ASTN2: variants seen among roughly 807,000 people sequenced by gnomAD.
ASTN2 encodes astrotactin 2.
Under a neutral mutation model 139.8 loss-of-function variants are expected in ASTN2, and 54 were observed. The observed-to-expected ratio is 0.39, with a 90% CI of 0.31 to 0.48. The LOEUF (loss-of-function observed/expected upper bound fraction) is 0.48, where lower values mean the gene tolerates loss of function less well. ASTN2 is among the 20% of genes least tolerant of loss of function. ASTN2 has a pLI of 0.95. For synonymous variants in ASTN2, 756 were observed against 719.5 expected (o/e 1.05, Z -0.81); for missense variants, 1,565 against 1,725.1 (o/e 0.91, Z 1.64).
At chr9:116,829,456 A>G (rs1410420829) in intron 11 of ASTN2, among the ~76,000 whole-genome samples, 6 of 152,042 alleles carry the variant, frequency 3.9e-5, no homozygotes, top group Non-Finnish European at 8.8e-5. Flanking sequence ...ATAAAGAAAT[A>G]CCTGAGACTG....
intron 7 of ASTN2, among the ~76,000 whole-genome samples, chr9:116,989,669 C>T (rs1422629597): frequency 4.0e-5 from 6 of 151,512 alleles, no homozygotes; most frequent in Admixed American, 2.6e-4. Flanking sequence ...CTGCAACCTC[C>T]ACCTCCTGGG....
chr9:116,990,163 A>G (rs1836811023), intron 7 of ASTN2, among the ~76,000 whole-genome samples: 1 of 152,220 alleles, frequency 6.6e-6, no homozygotes, highest in Admixed American at 6.5e-5. Flanking sequence ...AAGGTTCAAT[A>G]TGAAGATGAA....
chr9:116,688,681 G>A (rs1304886282), intron 16 of ASTN2, among the ~76,000 whole-genome samples: 1 of 152,158 alleles, frequency 6.6e-6, no homozygotes, highest in Non-Finnish European at 1.5e-5. Context: ...AAGAAGAAGT[G>A]GAACTATTCA....
Position 116,699,652 on chromosome 9 carries a change from A to C in ASTN2, c.2806+26119T>G. On this transcript the variant is annotated intron_variant, in intron 16 of 22. Coordinates refer to ENST00000313400, the MANE Select transcript of ASTN2 (RefSeq NM_001365068.1). The surrounding 1 kb of genome is among the most constrained non-coding windows in gnomAD (Gnocchi z 4.2). ...CAGCTGCTGGTCTTGGACTGTTGGGATCATTGCATCAAGATCTACAGCTAC... is the reference window on the plus strand; with the variant it reads ...CAGCTGCTGGTCTTGGACTGTTGGGCTCATTGCATCAAGATCTACAGCTAC... The C allele has an allele frequency of 6.2e-7, 1 of 1,614,116 alleles. No homozygotes were observed.
chr9:117,402,315 C>T (rs1042401542), intron 1 of ASTN2, among the ~76,000 whole-genome samples: 6 of 152,218 alleles, frequency 3.9e-5, no homozygotes, highest in African/African-American at 1.4e-4. Context: ...GATCTGCCTG[C>T]CTCCGCCTCC....
intron 17 of ASTN2, among the ~76,000 whole-genome samples, chr9:116,634,466 T>TCTAC (rs1307153403): frequency 1.6e-4 from 25 of 151,720 alleles, no homozygotes; most frequent in Non-Finnish European, 7.4e-5. Context: ...AGCGGGCGCC[T>TCTAC]GTAGTCCCAG....
chr9:117,275,823 G>A (rs1441909817), intron 2 of ASTN2, among the ~76,000 whole-genome samples: 1 of 152,056 alleles, frequency 6.6e-6, no homozygotes, highest in Non-Finnish European at 1.5e-5. Context: ...GCCTGCGTTG[G>A]CCTCCCAAAG....
intron 11 of ASTN2, among the ~76,000 whole-genome samples, chr9:116,829,951 C>A (rs2416584): frequency 0.79 from 120,765 of 152,164 alleles, 48,121 homozygotes; most frequent in East Asian, 0.91. Flanking sequence ...CATTTTGGAC[C>A]TTGGCCTTGG....
chr9:117,197,258 TGA>T (rs894359974), intron 3 of ASTN2: 1 of 152,270 alleles, frequency 6.6e-6, no homozygotes. Context: ...CGTGCTCGGT[TGA>T]AGAGGATAAC....
chr9:116,839,859 C>CATTATCATTATT (rs1554753075), intron 11 of ASTN2, among the ~76,000 whole-genome samples: 1 of 125,948 alleles, frequency 7.9e-6, no homozygotes, highest in African/African-American at 3.2e-5. Context: ...TATTTTATTT[C>CATTATCATTATT]ATTATTATTA....
intron 2 of ASTN2, among the ~76,000 whole-genome samples, chr9:117,217,957 T>G (rs1047457904): frequency 3.3e-5 from 5 of 152,204 alleles, no homozygotes; most frequent in African/African-American, 1.2e-4. Flanking sequence ...CATCCTACAT[T>G]AAGTTGGAAA....
intron 17 of ASTN2, among the ~76,000 whole-genome samples, chr9:116,621,063 G>C (rs918106133): frequency 5.9e-5 from 9 of 152,078 alleles, no homozygotes; most frequent in Non-Finnish European, 1.3e-4. Context: ...AGTATCATCT[G>C]TTCTCATGCA....
intron 13 of ASTN2, among the ~76,000 whole-genome samples, chr9:116,764,232 G>A (rs1829747710): frequency 6.6e-6 from 1 of 152,198 alleles, no homozygotes; most frequent in South Asian, 2.1e-4. Context: ...TTAGCTGTCA[G>A]CCCTTATGGG....
chr9:117,198,715 C>T (rs1203462404), intron 3 of ASTN2, among the ~76,000 whole-genome samples: 1 of 152,130 alleles, frequency 6.6e-6, no homozygotes, highest in Non-Finnish European at 1.5e-5. Context: ...AATTGCCATC[C>T]TGTCTTCCAC....
intron 17 of ASTN2, among the ~76,000 whole-genome samples, chr9:116,632,164 G>A (rs867959723): frequency 1.2e-3 from 41 of 33,956 alleles, no homozygotes; most frequent in African/African-American, 5.3e-3. Flanking sequence ...GAGACAGAGA[G>A]AGAGAGAGAG....
At chr9:116,832,416 T>A (rs1382950294) in intron 11 of ASTN2, among the ~76,000 whole-genome samples, 1 of 152,010 alleles carries the variant, frequency 6.6e-6, no homozygotes, top group Admixed American at 6.6e-5. Context: ...GTGGGCAGAG[T>A]GAATCTGCTT....
intron 13 of ASTN2, among the ~76,000 whole-genome samples, chr9:116,780,560 G>A (rs568738681): frequency 1.3e-5 from 2 of 152,252 alleles, no homozygotes; most frequent in Admixed American, 6.5e-5. Context: ...TTTCTATCAC[G>A]CAGTTTGTCC....
At chr9:116,738,393 C>T (rs1209761517) in intron 13 of ASTN2, among the ~76,000 whole-genome samples, 5 of 151,172 alleles carry the variant, frequency 3.3e-5, no homozygotes, top group African/African-American at 1.2e-4. Flanking sequence ...CCCAGCTACT[C>T]GGGAGGCTGA....
At chr9:117,133,707 T>A (rs1829877385) in intron 4 of ASTN2, among the ~76,000 whole-genome samples, 1 of 152,168 alleles carries the variant, frequency 6.6e-6, no homozygotes, top group Non-Finnish European at 1.5e-5. Flanking sequence ...GGGAAGATAG[T>A]GAAGAGGTTG....
Sources: allele counts gnomAD v4.1 joint callset (sites outside exome capture counted in the v4.1 genomes callset), GRCh38; gene constraint gnomAD v4.1.1; non-coding constraint Gnocchi (gnomAD v3.1); transcripts MANE v1.5; gene names NCBI Gene and HGNC (gene_info 2026-07-23, HGNC 2026-07-21).